The following DPYD variants were observed in gnomAD, a reference collection of about 807,000 sequenced individuals.
The protein encoded by DPYD is dihydropyrimidine dehydrogenase [NADP(+)].
Under a neutral mutation model 116.2 loss-of-function variants are expected in DPYD, and 109 were observed. That is an observed-to-expected ratio of 0.94 (90% CI 0.80 to 1.10). The LOEUF is 1.10. DPYD is among the 50% of genes least tolerant of loss of function. The pLI is 0.00. For synonymous variants in DPYD, 440 were observed against 432.0 expected, an observed-to-expected ratio of 1.02 and a Z score of -0.23; for missense variants, 1,302 against 1,254.5, an observed-to-expected ratio of 1.04 and a Z score of -0.57.
chr1:97,828,064 A>C (rs1051182189), intron 3 of DPYD, 50 bp downstream of exon 3: 1 of 1,541,652 alleles, frequency 6.5e-7, no homozygotes, highest in Non-Finnish European at 9.0e-7. Context: ...ATGAAGAATG[A>C]CTTTTTCTTT....
At chr1:97,529,800 TTTTC>T (rs1468391997) in intron 12 of DPYD, among the ~76,000 whole-genome samples, 10 of 151,346 alleles carry the variant, frequency 6.6e-5, no homozygotes, top group Admixed American at 1.3e-4. Flanking sequence ...TTTTTTCCCT[TTTTC>T]TTTCTTTCCT....
At chr1:97,525,558 G>A (rs2102003737) in intron 12 of DPYD, among the ~76,000 whole-genome samples, 2 of 152,198 alleles carry the variant, frequency 1.3e-5, no homozygotes, top group South Asian at 4.1e-4. Context: ...TGGGTACTTA[G>A]TGTCTTTTTC....
rs577101596 is a variant in DPYD at position 97,843,321 on chromosome 1, A to AT, written c.151-15126dup. Among the ~76,000 whole-genome samples the AT allele has an allele frequency of 1.6e-4, 24 of 152,286 alleles. No individual in the cohort carries two copies. The South Asian group carries it at 5.0e-3, about 32-fold the overall frequency. ...CACCTATCTATATGTTCTTTTGAAT[A>AT]TAAATAACACTTCAACTCACTAGAA... On this transcript the variant is annotated intron_variant, in intron 2 of 22. Transcript: ENST00000370192.
chr1:97,885,330 A>G (rs1433694353), intron 1 of DPYD, among the ~76,000 whole-genome samples: 1 of 152,060 alleles, frequency 6.6e-6, no homozygotes, highest in African/African-American at 2.4e-5. Context: ...ACTATTAACA[A>G]CAGACACAAG....
intron 8 of DPYD, among the ~76,000 whole-genome samples, chr1:97,650,324 C>A (rs990657530): frequency 6.6e-6 from 1 of 152,032 alleles, no homozygotes; most frequent in Non-Finnish European, 1.5e-5. Context: ...GAAAAAGGAG[C>A]AAAACTGCTA....
chr1:97,278,146 C>G (rs11165829), intron 18 of DPYD, among the ~76,000 whole-genome samples: 48,479 of 152,046 alleles, frequency 0.32, 8,183 homozygotes, highest in Non-Finnish European at 0.37. Context: ...AAGAATTTCT[C>G]TTGATTGCAG....
rs1343291541 is a variant in DPYD, at chr1:97,627,731, T to G, written c.851-32565A>C. 3.3e-5 allele frequency among the ~76,000 whole-genome samples: 5 copies of G among 152,024 alleles called. No homozygotes were observed. In the East Asian group the frequency reaches 7.7e-4, roughly 23 times the overall value. On this transcript the variant is annotated intron_variant, in intron 8 of 22. Transcript: ENST00000370192. ...AACTCTCTTCTCTCCAAGTATTCTA[T>G]CTTGAAACATTTATCCAGCCTAGAT... is the stretch of plus-strand genomic sequence containing the variant.
chr1:97,813,682 T>C (rs2101402163), intron 3 of DPYD, among the ~76,000 whole-genome samples: 1 of 152,232 alleles, frequency 6.6e-6, no homozygotes, highest in African/African-American at 2.4e-5. Flanking sequence ...CAAAATAATG[T>C]CCCTTAAAGT....
At chr1:97,505,879 A>G (rs1476198517) in intron 13 of DPYD, among the ~76,000 whole-genome samples, 3 of 152,070 alleles carry the variant, frequency 2.0e-5, no homozygotes, top group East Asian at 3.9e-4. Context: ...AAAACATGCA[A>G]ATGAGGAAAG....
chr1:97,845,017 C>A (rs966903492), intron 2 of DPYD, among the ~76,000 whole-genome samples: 6 of 152,206 alleles, frequency 3.9e-5, no homozygotes, highest in African/African-American at 1.4e-4. Context: ...TACCGATGAA[C>A]AACAGTGGAA....
chr1:97,866,863 G>C (rs1002358152), intron 2 of DPYD, among the ~76,000 whole-genome samples: 1 of 151,758 alleles, frequency 6.6e-6, no homozygotes, highest in Non-Finnish European at 1.5e-5. Flanking sequence ...GCAGAAGGCC[G>C]CAGGAAGTGT....
At chr1:97,328,928 T>G (rs901537728) in intron 16 of DPYD, among the ~76,000 whole-genome samples, 1 of 152,196 alleles carries the variant, frequency 6.6e-6, no homozygotes, top group African/African-American at 2.4e-5. Flanking sequence ...GTATCAGCTC[T>G]TTACACCAAA....
intron 19 of DPYD, among the ~76,000 whole-genome samples, chr1:97,218,217 T>C (rs1395002376): frequency 6.6e-6 from 1 of 152,104 alleles, no homozygotes; most frequent in African/African-American, 2.4e-5. Context: ...ACAATATACA[T>C]TAAAAGTCCA....
chr1:97,358,923 C>A (rs879279433), intron 16 of DPYD, among the ~76,000 whole-genome samples: 7 of 152,082 alleles, frequency 4.6e-5, no homozygotes, highest in Middle Eastern at 3.2e-3. Flanking sequence ...GATCACAGCT[C>A]CTCGGCAGCA....
intron 8 of DPYD, among the ~76,000 whole-genome samples, chr1:97,658,849 TA>T (rs929445146): frequency 1.3e-5 from 2 of 152,274 alleles, no homozygotes; most frequent in Non-Finnish European, 2.9e-5. Flanking sequence ...GCCTAAAGAC[TA>T]AAAAATTGGA....
intron 18 of DPYD, among the ~76,000 whole-genome samples, chr1:97,279,716 G>A (rs1665184061): frequency 6.6e-6 from 1 of 152,108 alleles, no homozygotes; most frequent in Non-Finnish European, 1.5e-5. Context: ...CACCATGTTG[G>A]CCAAGCTGGT....
chr1:97,275,859 C>T (rs78547229), intron 18 of DPYD, among the ~76,000 whole-genome samples: 1 of 152,136 alleles, frequency 6.6e-6, no homozygotes, highest in Non-Finnish European at 1.5e-5. Context: ...AGCTATCTCA[C>T]TGCACATGGC....
intron 14 of DPYD, among the ~76,000 whole-genome samples, chr1:97,433,845 A>G (rs1209730012): frequency 6.6e-6 from 1 of 152,184 alleles, no homozygotes; most frequent in East Asian, 1.9e-4. Context: ...TCGAGGTAAC[A>G]ATAATAATTA....
chr1:97,484,902 T>C (rs1279086327), intron 13 of DPYD, among the ~76,000 whole-genome samples: 1 of 152,250 alleles, frequency 6.6e-6, no homozygotes, highest in African/African-American at 2.4e-5. Flanking sequence ...CTCAGGTAAC[T>C]ATGAATTCAT....
Sources: allele counts gnomAD v4.1 joint callset (sites outside exome capture counted in the v4.1 genomes callset), GRCh38; gene constraint gnomAD v4.1.1; transcripts MANE v1.5; gene names NCBI Gene and HGNC (gene_info 2026-07-23, HGNC 2026-07-21).